AEBP2: variants seen among roughly 807,000 people sequenced by gnomAD.
AEBP2 encodes AE binding protein 2.
AEBP2 carries 10 observed loss-of-function variants against 50.8 expected under a neutral mutation model. The observed-to-expected ratio is 0.20, with a 90% CI of 0.12 to 0.33. The LOEUF (loss-of-function observed/expected upper bound fraction) is 0.33. Ranked by LOEUF, AEBP2 falls within the 10% of genes least tolerant of loss-of-function variation. The probability of loss-of-function intolerance (pLI) is 1.00; values close to 1 mark genes in which losing one functional copy is unlikely to be tolerated. For missense variants in AEBP2, 570 were observed against 688.0 expected, an observed-to-expected ratio of 0.83 and a Z score of 1.92; for synonymous variants, 296 against 261.3, an observed-to-expected ratio of 1.13 and a Z score of -1.28.
At chr12:19,468,929 T>C (rs1293983441) in intron 2 of AEBP2, among the ~76,000 whole-genome samples, 5 of 152,158 alleles carry the variant, frequency 3.3e-5, no homozygotes, top group Admixed American at 6.6e-5. Context: ...TCCAAAAATA[T>C]ATGTATGTTT....
At position 19,470,071 on chromosome 12, in the gene AEBP2, G is replaced by A. The variant is rs781225142; in HGVS notation, c.880-3177G>A. The stretch of plus-strand genomic sequence containing the variant: ...AAGAAGACCCTTTTGTCAGATTTGG[G>A]AGTATTTTTATCAAAACGTCGTCCT... On this transcript the variant is annotated intron_variant, in intron 2 of 7. Coordinates refer to ENST00000266508, the MANE Select transcript of AEBP2 (RefSeq NM_153207.5). Among the ~76,000 whole-genome samples the A allele has an allele frequency of 8.5e-5, 13 of 152,198 alleles. No individual in the cohort carries two copies. In the East Asian group the frequency reaches 2.5e-3, roughly 29 times the overall value.
At chr12:19,429,606 T>C (rs1210078540) in intron 1 of AEBP2, among the ~76,000 whole-genome samples, 1 of 152,186 alleles carries the variant, frequency 6.6e-6, no homozygotes, top group Non-Finnish European at 1.5e-5. Flanking sequence ...AGTATAAAAG[T>C]GTTCCTATTT....
At chr12:19,431,201 T>A (rs2095751247) in intron 1 of AEBP2, among the ~76,000 whole-genome samples, 1 of 152,132 alleles carries the variant, frequency 6.6e-6, no homozygotes, top group South Asian at 2.1e-4. Flanking sequence ...GAGGGCTGGT[T>A]GCTTTATTTT....
At chr12:19,440,528 C>T in intron 1 of AEBP2, 158 bp downstream of exon 1, 1 of 1,381,476 alleles carries the variant, frequency 7.2e-7, no homozygotes, top group Non-Finnish European at 9.4e-7. Flanking sequence ...CCGTCGCCGC[C>T]GCGCCCCTCT....
At chr12:19,466,947 C>G (rs1180979338) in intron 2 of AEBP2, 1 of 302,378 alleles carries the variant, frequency 3.3e-6, no homozygotes, top group Non-Finnish European at 4.9e-6. Flanking sequence ...ATTATATATC[C>G]ACTTAGCATT....
intron 2 of AEBP2, 63 bp from the exon 3 acceptor site, chr12:19,473,185 G>T: frequency 1.5e-6 from 1 of 686,658 alleles, no homozygotes. Context: ...TTGAATGTAT[G>T]AGGAATCAAA....
intron 1 of AEBP2, among the ~76,000 whole-genome samples, chr12:19,461,941 GA>G (rs1320790324): frequency 6.6e-6 from 1 of 151,998 alleles, no homozygotes; most frequent in African/African-American, 2.4e-5. Context: ...TTGGACTTTA[GA>G]AAAATCAGAG....
intron 1 of AEBP2, chr12:19,456,218 CG>C (rs1948267675): frequency 7.0e-7 from 1 of 1,431,972 alleles, no homozygotes; most frequent in Non-Finnish European, 9.6e-7. Flanking sequence ...TGATTAAGAC[CG>C]GGGTGGCAGG....
At chr12:19,497,352 T>TTTTTTTTTG (rs71067031) in intron 4 of AEBP2, among the ~76,000 whole-genome samples, 1 of 144,916 alleles carries the variant, frequency 6.9e-6, no homozygotes, top group Non-Finnish European at 1.5e-5. Flanking sequence ...TTTTTTTTTT[T>TTTTTTTTTG]GAGACAGAGT....
chr12:19,518,333 T>C lies in AEBP2; in HGVS notation c.*216T>C. ...GAATATATTAATATATTACTGTATA[T>C]CCACATTTTCATGGAATGGTACTGT... On this transcript the variant is annotated 3_prime_UTR_variant, in exon 8 of 8. Coordinates refer to ENST00000266508, the MANE Select transcript of AEBP2 (RefSeq NM_153207.5). The C allele has an allele frequency of 8.0e-7, 1 of 1,253,160 alleles. No individual in the cohort carries two copies. The allele number at this position is 1,253,160 out of a possible 1,614,324, so 77.6% of individuals were successfully genotyped here.
chr12:19,442,847 A>G (rs1947986914), intron 1 of AEBP2, among the ~76,000 whole-genome samples: 1 of 152,170 alleles, frequency 6.6e-6, no homozygotes. Flanking sequence ...AGGATCCCTA[A>G]TTCTTATAAA....
At chr12:19,404,291 C>G (rs1479128906) in intron 1 of AEBP2, 2 of 152,250 alleles carry the variant, frequency 1.3e-5, no homozygotes, top group Admixed American at 6.5e-5. Context: ...CAGAGCCACT[C>G]TTTCTCACAC....
intron 6 of AEBP2, among the ~76,000 whole-genome samples, chr12:19,513,551 G>A (rs1473404824): frequency 6.6e-6 from 1 of 152,152 alleles, no homozygotes; most frequent in East Asian, 1.9e-4. Flanking sequence ...TTTAGGGCAG[G>A]AGTTTGAGAT....
intron 5 of AEBP2, 81 bp from the exon 6 acceptor site, chr12:19,512,313 CCCAG>C: frequency 1.1e-6 from 1 of 937,206 alleles, no homozygotes; most frequent in Non-Finnish European, 1.6e-6. Flanking sequence ...AGCCATCGCG[CCCAG>C]CCCCAAAAGT....
chr12:19,466,936 C>A (rs563129002), intron 2 of AEBP2: 1 of 348,662 alleles, frequency 2.9e-6, no homozygotes, highest in Non-Finnish European at 4.0e-6. Flanking sequence ...AAAGCAAAAC[C>A]ATTATATATC....
chr12:19,439,745 C>G lies in AEBP2; in HGVS notation c.46C>G (p.Arg16Gly). 1 of 1,518,118 alleles carries G rather than the reference C, an allele frequency of 6.6e-7. No individual in the cohort carries two copies. The highest frequency in any genetic ancestry group is 8.8e-7 in the Non-Finnish European group (1 of 1,139,572). 94.0% of individuals were successfully genotyped at this position (1,518,118 alleles called of 1,614,324 possible). A position where few individuals can be genotyped will look rare whatever the true frequency, so the allele number is the denominator to read the frequency against. ...TDMADLEELSRLSPLPPGSPG... is the reference protein window; with the variant it reads ...TDMADLEELSGLSPLPPGSPG... ...CATGGCCGACCTGGAGGAGCTCTCC[C>G]GCCTGAGCCCTCTGCCCCCCGGCAG... The change falls in exon 1 of 8, where the codon CGC (arginine) becomes GGC (glycine). Residue 16 changes from arginine to glycine, a missense_variant. Arg to Gly is a moderately radical substitution (Grantham distance 125). Around this residue, in one of 2 missense-constraint regions of AEBP2, gnomAD observed 386 missense variants for 336.8 expected, o/e 1.15. Transcript: ENST00000266508.
At chr12:19,463,455 A>C (rs1247731967) in intron 2 of AEBP2, among the ~76,000 whole-genome samples, 2 of 152,288 alleles carry the variant, frequency 1.3e-5, no homozygotes, top group East Asian at 3.9e-4. Flanking sequence ...AAGGGCAGGT[A>C]ATTTATTAAT....
intron 3 of AEBP2, among the ~76,000 whole-genome samples, chr12:19,477,094 C>A (rs141931066): frequency 6.6e-6 from 1 of 152,160 alleles, no homozygotes; most frequent in African/African-American, 2.4e-5. Flanking sequence ...GGGTTAAGTT[C>A]TTTAGTTGTT....
At chr12:19,406,980 C>T (rs1369098054) in intron 1 of AEBP2, among the ~76,000 whole-genome samples, 2 of 152,078 alleles carry the variant, frequency 1.3e-5, no homozygotes, top group African/African-American at 2.4e-5. Flanking sequence ...TACCTTTGCT[C>T]CTCTGTCAAA....
Sources: allele counts gnomAD v4.1 joint callset (sites outside exome capture counted in the v4.1 genomes callset), GRCh38; gene constraint gnomAD v4.1.1; regional missense constraint gnomAD v4.1.1; transcripts MANE v1.5; gene names NCBI Gene and HGNC (gene_info 2026-07-23, HGNC 2026-07-21).